The following METTL13 variants were observed in gnomAD, a reference collection of about 807,000 sequenced individuals.
The protein encoded by METTL13 is methyltransferase 13, eEF1A N-terminus and K55.
METTL13 carries 52 observed loss-of-function variants against 67.4 expected under a neutral mutation model. That is an observed-to-expected ratio of 0.77 (90% CI 0.62 to 0.97). The LOEUF (loss-of-function observed/expected upper bound fraction) is 0.97. Ranked by LOEUF, METTL13 falls within the 50% of genes least tolerant of loss-of-function variation. METTL13 has a pLI of 0.00. For synonymous variants in METTL13, 354 were observed against 353.6 expected (o/e 1.00, Z -0.01); for missense variants, 825 against 889.6 (o/e 0.93, Z 0.92).
chr1:171,792,719 C>T (rs1657247728), intron 6 of METTL13, among the ~76,000 whole-genome samples: 1 of 152,102 alleles, frequency 6.6e-6, no homozygotes, highest in African/African-American at 2.4e-5. Flanking sequence ...TTCATTGTCA[C>T]AAATCGGGGT....
intron 7 of METTL13, 34 bp downstream of exon 7, chr1:171,794,561 G>C (rs370506921): frequency 3.1e-6 from 5 of 1,610,300 alleles, no homozygotes; most frequent in Non-Finnish European, 3.4e-6. Flanking sequence ...AGGGAGGAGA[G>C]AAGGGACCAT....
chr1:171,797,045 T>C lies in METTL13; in HGVS notation c.*289T>C. Reference sequence around the variant, plus strand: ...AAGCCCCTAGCACACACTGCATGCCTTAACAAGTGTGTGCAAGCCCCTCAG... The same window carrying C: ...AAGCCCCTAGCACACACTGCATGCCCTAACAAGTGTGTGCAAGCCCCTCAG... On this transcript the variant is annotated 3_prime_UTR_variant, in exon 8 of 8. Coordinates refer to ENST00000361735, the MANE Select transcript of METTL13 (RefSeq NM_015935.5). 3 of 380,894 alleles carry C rather than the reference T, an allele frequency of 7.9e-6. No individual in the cohort carries two copies. Among genetic ancestry groups the C allele is most frequent in the South Asian group, 5.8e-5 (2 of 34,452 alleles). The allele number at this position is 380,894 out of a possible 1,614,324, so 23.6% of individuals were successfully genotyped here. A position where few individuals can be genotyped will look rare whatever the true frequency, so the allele number is the denominator to read the frequency against.
At chr1:171,793,450 A>T (rs1042691069) in intron 6 of METTL13, among the ~76,000 whole-genome samples, 5 of 152,210 alleles carry the variant, frequency 3.3e-5, no homozygotes, top group African/African-American at 1.2e-4. Flanking sequence ...AGATTACTGG[A>T]GGGCTCAAGG....
Position 171,782,144 on chromosome 1 carries a change from C to T in METTL13, c.153+24C>T, listed in dbSNP as rs765590135. ...AGGTGAGGAGCGCGGGTTGGTAGCCCTTCGTACGTGCTCCGGAAGGTGGGA... is the reference window on the plus strand; with the variant it reads ...AGGTGAGGAGCGCGGGTTGGTAGCCTTTCGTACGTGCTCCGGAAGGTGGGA... On this transcript the variant is annotated intron_variant, in intron 1 of 7. Transcript: ENST00000361735. 63 of 1,600,940 alleles carry T rather than the reference C, an allele frequency of 3.9e-5. No homozygotes were observed. In the East Asian group the frequency reaches 1.1e-3, roughly 27 times the overall value.
At chr1:171,788,118 T>TA (rs1407126659) in intron 4 of METTL13, among the ~76,000 whole-genome samples, 188 bp downstream of exon 4, 1 of 151,686 alleles carries the variant, frequency 6.6e-6, no homozygotes, top group Non-Finnish European at 1.5e-5. Flanking sequence ...TCTGAAGTGA[T>TA]AGGGGACGTG....
At chr1:171,782,261 C>T in intron 1 of METTL13, 141 bp downstream of exon 1, 1 of 760,612 alleles carries the variant, frequency 1.3e-6, no homozygotes, top group African/African-American at 1.7e-5. Context: ...ATTGTTCCTG[C>T]TAAAAGACAA....
At chr1:171,791,219 G>C (rs1175954567) in intron 5 of METTL13, among the ~76,000 whole-genome samples, 1 of 152,086 alleles carries the variant, frequency 6.6e-6, no homozygotes, top group Admixed American at 6.5e-5. Flanking sequence ...GTCTCCTTCG[G>C]GTGACTTTTG....
At chr1:171,783,315 C>T (rs752942215) in intron 1 of METTL13, among the ~76,000 whole-genome samples, 9 of 152,240 alleles carry the variant, frequency 5.9e-5, no homozygotes, top group Non-Finnish European at 1.2e-4. Context: ...GATTTGAATC[C>T]TCACAAAGTG....
Position 171,784,022 on chromosome 1 carries a change from G to A in METTL13, c.436G>A (p.Val146Ile). ...LQQVDRMLAE[V>I]GRVLQVGGRY... ...ACAGGTGGACAGGATGCTGGCTGAG[G>A]TTGGCCGTGTCCTGCAGGTGGGCGG... Residue 146 changes from valine (V) to isoleucine (I), a missense_variant, in exon 2 of 8, where the codon GTT becomes ATT. Transcript: ENST00000361735. 6.2e-7 allele frequency: 1 copy of A among 1,614,216 alleles called. No homozygotes were observed.
intron 4 of METTL13, among the ~76,000 whole-genome samples, chr1:171,789,848 T>TGGGG (rs1657143949): frequency 2.0e-5 from 2 of 99,410 alleles, no homozygotes; most frequent in African/African-American, 7.5e-5. Context: ...TGGGGCGGGG[T>TGGGG]AGGGGGGGCA....
rs1232240497 is a variant in METTL13 at position 171,792,084 on chromosome 1, T to A, written c.1542T>A (p.His514Gln). 38 of 1,613,738 alleles carry A rather than the reference T, an allele frequency of 2.4e-5. No homozygotes were observed. The highest frequency in any genetic ancestry group is 3.1e-5 in the Non-Finnish European group (37 of 1,180,040). Reference sequence around the variant, plus strand: ...GCCTCCCCCTCTTTGTCCACGATCATTTTCCAAAGTCCTGCATTGATGCTG... The same window carrying A: ...GCCTCCCCCTCTTTGTCCACGATCAATTTCCAAAGTCCTGCATTGATGCTG... ...GGSLPLFVHD[H>Q]FPKSCIDAVE... Residue 514 changes from histidine to glutamine, a missense_variant, in exon 6 of 8, where the codon CAT becomes CAA. Physicochemically the swap from His to Gln is conservative, Grantham distance 24. Transcript: ENST00000361735.
intron 2 of METTL13, 81 bp downstream of exon 2, chr1:171,784,580 C>G (rs1163557595): frequency 1.4e-6 from 2 of 1,396,264 alleles, no homozygotes; most frequent in Admixed American, 3.3e-5. Context: ...GGGGCTGAGG[C>G]TGGGCTGGGG....
intron 4 of METTL13, 72 bp downstream of exon 4, chr1:171,788,002 C>T (rs367981833): frequency 3.6e-5 from 54 of 1,502,296 alleles, no homozygotes; most frequent in African/African-American, 3.3e-4. Context: ...GGAGCTTGGC[C>T]GAGATGTAGG....
At chr1:171,791,328 C>G (rs557331480) in intron 5 of METTL13, among the ~76,000 whole-genome samples, 1 of 152,140 alleles carries the variant, frequency 6.6e-6, no homozygotes, top group Non-Finnish European at 1.5e-5. Flanking sequence ...GAATGGCTTA[C>G]CCTTACTTGG....
At chr1:171,794,298 C>T in intron 6 of METTL13, 98 bp from the exon 7 acceptor site, 1 of 1,541,792 alleles carries the variant, frequency 6.5e-7, no homozygotes, top group South Asian at 1.2e-5. Context: ...AACTTAGTCA[C>T]CATGCCCACC....
At chr1:171,795,408 G>A (rs1657335564) in intron 7 of METTL13, among the ~76,000 whole-genome samples, 1 of 152,140 alleles carries the variant, frequency 6.6e-6, no homozygotes, top group Non-Finnish European at 1.5e-5. Flanking sequence ...ATAGGTTATG[G>A]GTATGTTTTT....
In METTL13 at chr1:171,781,997, G is replaced by T; in HGVS notation, c.30G>T (p.Glu10Asp). The stretch of plus-strand genomic sequence containing the variant: ...ACCTCTTACCTAAAAGTTCCAGGGA[G>T]TTTGGCTCCGTTGACTATTGGGAGA... MNLLPKSSR[E>D]FGSVDYWEKF... The change falls in exon 1 of 8, where the codon GAG (glutamate) becomes GAT (aspartate). Residue 10 changes from glutamate to aspartate, a missense_variant. By Grantham distance (45) the Glu-to-Asp change is conservative. Coordinates refer to ENST00000361735, the MANE Select transcript of METTL13 (RefSeq NM_015935.5). 6.2e-7 allele frequency: 1 copy of T among 1,614,174 alleles called. No homozygotes were observed. Among genetic ancestry groups the T allele is most frequent in the Non-Finnish European group, 8.5e-7 (1 of 1,180,028 alleles).
chr1:171,787,395 G>C (rs1229973373), intron 3 of METTL13, among the ~76,000 whole-genome samples: 1 of 152,034 alleles, frequency 6.6e-6, no homozygotes, highest in Non-Finnish European at 1.5e-5. Flanking sequence ...GCCCCTTCCT[G>C]AGGGTTCCCT....
Position 171,781,721 on chromosome 1 carries a change from T to A in METTL13, c.-247T>A. The A allele has an allele frequency of 2.4e-6, 3 of 1,250,640 alleles. No individual in the cohort carries two copies. Among genetic ancestry groups the A allele is most frequent in the Non-Finnish European group, 3.1e-6 (3 of 972,814 alleles). 77.5% of individuals were successfully genotyped at this position (1,250,640 alleles called of 1,614,324 possible). On this transcript the variant is annotated 5_prime_UTR_variant, in exon 1 of 8. Transcript: ENST00000361735. ...GGAAAAGTGTGAGGGGCTCTTCACG[T>A]GGGGAAGGAACAGCAGGCGCGGAGG... is the stretch of plus-strand genomic sequence containing the variant.
Sources: allele counts gnomAD v4.1 joint callset (sites outside exome capture counted in the v4.1 genomes callset), GRCh38; gene constraint gnomAD v4.1.1; transcripts MANE v1.5; gene names NCBI Gene and HGNC (gene_info 2026-07-23, HGNC 2026-07-21).